STPG2: variants seen among roughly 807,000 people sequenced by gnomAD.
The protein encoded by STPG2 is sperm-tail PG-rich repeat-containing protein 2.
STPG2 carries 56 observed loss-of-function variants against 54.2 expected under a neutral mutation model. The observed-to-expected ratio is 1.03, with a 90% CI of 0.83 to 1.29. The LOEUF is 1.29. Ranked by LOEUF, STPG2 falls within the 50% of genes most tolerant of loss-of-function variation. The pLI, the probability that STPG2 is intolerant of heterozygous loss-of-function variation, is 0.00. For synonymous variants in STPG2, 200 were observed against 181.8 expected (o/e 1.10, Z -0.81); for missense variants, 596 against 544.9 (o/e 1.09, Z -0.93).
intron 10 of STPG2, among the ~76,000 whole-genome samples, chr4:97,683,990 AAC>A (rs1369482308): frequency 3.3e-5 from 5 of 151,998 alleles, no homozygotes; most frequent in African/African-American, 1.2e-4. Flanking sequence ...TATAAATTAA[AAC>A]ACAATGCCAT....
At position 98,106,074 on chromosome 4, in the gene STPG2, A is replaced by G; in HGVS notation, c.501-10T>C. 5 of 1,400,782 alleles carry G rather than the reference A, an allele frequency of 3.6e-6. No homozygotes were observed. The highest frequency in any genetic ancestry group is 4.8e-6 in the Non-Finnish European group (5 of 1,035,010). 86.8% of individuals were successfully genotyped at this position (1,400,782 alleles called of 1,614,324 possible). ...ATATGATGTCTTTTTCCTTCAGAAA[A>G]TTCAAATAGAAATTAAGAATTCTCA... On this transcript the variant is annotated splice_polypyrimidine_tract_variant and intron_variant, in intron 4 of 10. Transcript: ENST00000295268.
At chr4:97,451,990 C>G (rs1214310147) in intron 4 of STPG2, among the ~76,000 whole-genome samples, 2 of 152,112 alleles carry the variant, frequency 1.3e-5, no homozygotes, top group African/African-American at 4.8e-5. Flanking sequence ...CCTGCAGGAT[C>G]TGGGGACAAG....
At chr4:97,490,016 A>C (rs900491528) in intron 4 of STPG2, 2 of 151,548 alleles carry the variant, frequency 1.3e-5, no homozygotes, top group African/African-American at 4.8e-5. Context: ...CCTCATAACA[A>C]CACCAAGAAA....
intron 10 of STPG2, among the ~76,000 whole-genome samples, chr4:97,561,692 T>C (rs1185227097): frequency 1.3e-5 from 2 of 152,226 alleles, no homozygotes; most frequent in Non-Finnish European, 2.9e-5. Context: ...ATTTATTAAA[T>C]AGGGAATCCT....
Position 97,559,129 on chromosome 4 carries a change from GAA to G in STPG2, c.1321-14_1321-13del, listed in dbSNP as rs1732154701. 4 of 1,530,424 alleles carry G rather than the reference GAA, an allele frequency of 2.6e-6. No individual in the cohort carries two copies. The South Asian group carries it at 5.2e-5, about 20-fold the overall frequency. 94.8% of individuals were successfully genotyped at this position (1,530,424 alleles called of 1,614,324 possible). A position where few individuals can be genotyped will look rare whatever the true frequency, so the allele number is the denominator to read the frequency against. On this transcript the variant is annotated splice_polypyrimidine_tract_variant and intron_variant, in intron 10 of 10. Coordinates refer to ENST00000295268, the MANE Select transcript of STPG2 (RefSeq NM_174952.3). ...TTCTCCTGGGATATCTGTTTAATAAGAATGAGAAAAAAAGGAGGAAAACATCT... is the reference window on the plus strand; with the variant it reads ...TTCTCCTGGGATATCTGTTTAATAAGTGAGAAAAAAAGGAGGAAAACATCT...
At position 98,105,966 on chromosome 4, in the gene STPG2, T is replaced by C; in HGVS notation, c.599A>G (p.Gln200Arg). ...TTTTCAACTTACCTTTTTTTTCTCC[T>C]GCAATACTATTATTTCATATAGTCG... is the stretch of plus-strand genomic sequence containing the variant. ...IPRLYEIIVL[Q>R]EKKKRFLPMK... Residue 200 changes from glutamine (Q) to arginine (R), a missense_variant, in exon 5 of 11, where the codon CAG becomes CGG. By Grantham distance (43) the Gln-to-Arg change is conservative. Transcript: ENST00000295268. The C allele has an allele frequency of 6.4e-7, 1 of 1,568,744 alleles. No homozygotes were observed. Among genetic ancestry groups the C allele is most frequent in the South Asian group, 1.1e-5 (1 of 89,414 alleles).
intron 5 of STPG2, among the ~76,000 whole-genome samples, chr4:98,033,176 G>C (rs2149301456): frequency 6.6e-6 from 1 of 151,396 alleles, no homozygotes; most frequent in East Asian, 1.9e-4. Context: ...CTAGTTTTTT[G>C]AAAAGATCAA....
At chr4:97,624,494 G>C (rs1456062610) in intron 10 of STPG2, among the ~76,000 whole-genome samples, 1 of 151,952 alleles carries the variant, frequency 6.6e-6, no homozygotes, top group African/African-American at 2.4e-5. Context: ...TTGTAAATTT[G>C]TTTAAGTTCC....
intron 5 of STPG2, among the ~76,000 whole-genome samples, chr4:97,990,684 A>G (rs1578760881): frequency 6.6e-6 from 1 of 152,186 alleles, no homozygotes; most frequent in East Asian, 1.9e-4. Context: ...CTAAGGAAAA[A>G]GACCCAGACC....
At chr4:97,917,259 G>A (rs543794654) in intron 8 of STPG2, 140 of 152,410 alleles carry the variant, frequency 9.2e-4, no homozygotes, top group Non-Finnish European at 1.7e-3. Flanking sequence ...AGGCCTGACG[G>A]GGCGGGGGGC....
At chr4:97,944,069 T>A (rs1733106736) in intron 7 of STPG2, 62 bp from the exon 8 acceptor site, 1 of 1,053,734 alleles carries the variant, frequency 9.5e-7, no homozygotes, top group African/African-American at 1.6e-5. Flanking sequence ...AGAGGCACTA[T>A]AAATAATAAG....
chr4:97,609,123 A>G (rs1733670841), intron 10 of STPG2, among the ~76,000 whole-genome samples: 2 of 152,234 alleles, frequency 1.3e-5, no homozygotes, highest in Admixed American at 1.3e-4. Context: ...CAAAGTTTTA[A>G]TACCTAAAAA....
chr4:97,922,925 ACTC>A (rs1292823894), intron 8 of STPG2, among the ~76,000 whole-genome samples: 1 of 151,002 alleles, frequency 6.6e-6, no homozygotes, highest in East Asian at 2.0e-4. Context: ...CCTTCTTTAT[ACTC>A]CTCCTTGCAT....
intron 10 of STPG2, among the ~76,000 whole-genome samples, chr4:97,675,664 T>G (rs1172705669): frequency 2.0e-5 from 3 of 151,836 alleles, no homozygotes; most frequent in African/African-American, 7.3e-5. Context: ...TTTCCATGTG[T>G]GGGTGCATTT....
At chr4:97,471,534 G>A (rs1729928345) in intron 4 of STPG2, among the ~76,000 whole-genome samples, 1 of 152,042 alleles carries the variant, frequency 6.6e-6, no homozygotes, top group Non-Finnish European at 1.5e-5. Context: ...TTTATCTGCA[G>A]CAAAATACTG....
chr4:97,811,138 T>C (rs1213185272), intron 9 of STPG2, among the ~76,000 whole-genome samples: 2 of 151,884 alleles, frequency 1.3e-5, no homozygotes, highest in East Asian at 3.9e-4. Context: ...TGTTGATGGG[T>C]AATAAGGGAT....
chr4:98,078,124 C>T (rs959848510), intron 5 of STPG2, among the ~76,000 whole-genome samples: 4 of 152,058 alleles, frequency 2.6e-5, no homozygotes, highest in African/African-American at 7.2e-5. Context: ...CAAAAGAGAA[C>T]GCTCATGAAG....
intron 8 of STPG2, among the ~76,000 whole-genome samples, chr4:97,889,137 A>T (rs1040716467): frequency 3.3e-5 from 5 of 152,184 alleles, no homozygotes; most frequent in Non-Finnish European, 7.3e-5. Flanking sequence ...GCCAGAACAA[A>T]CTAATACACA....
intron 9 of STPG2, among the ~76,000 whole-genome samples, chr4:97,731,572 G>A (rs1181701357): frequency 2.0e-5 from 3 of 152,126 alleles, no homozygotes; most frequent in Admixed American, 2.0e-4. Flanking sequence ...CCCAGAAGCT[G>A]GCCTGAACAT....
Sources: allele counts gnomAD v4.1 joint callset (sites outside exome capture counted in the v4.1 genomes callset), GRCh38; gene constraint gnomAD v4.1.1; transcripts MANE v1.5; gene names NCBI Gene and HGNC (gene_info 2026-07-23, HGNC 2026-07-21).